The following GRIP1 variants were observed in gnomAD, a reference collection of about 807,000 sequenced individuals.
GRIP1 encodes the protein glutamate receptor-interacting protein 1.
Under a neutral mutation model 129.9 loss-of-function variants are expected in GRIP1, and 45 were observed. The observed-to-expected ratio is 0.35, with a 90% confidence interval of 0.27 to 0.44. The LOEUF (loss-of-function observed/expected upper bound fraction) is 0.44. Among genes scored for constraint, GRIP1 ranks in the 20% least tolerant of loss-of-function variants. The pLI is 1.00. For missense variants in GRIP1, 1,196 were observed against 1,396.8 expected, an observed-to-expected ratio of 0.86 and a Z score of 2.29; for synonymous variants, 530 against 520.8, an observed-to-expected ratio of 1.02 and a Z score of -0.24.
chr12:66,757,564 C>T (rs2037335245), intron 1 of GRIP1, among the ~76,000 whole-genome samples: 1 of 152,146 alleles, frequency 6.6e-6, no homozygotes, highest in Admixed American at 6.5e-5. Context: ...AGGAGTATTG[C>T]AGATACTTCC....
chr12:66,659,859 G>A (rs1326831899), intron 1 of GRIP1, among the ~76,000 whole-genome samples: 1 of 152,090 alleles, frequency 6.6e-6, no homozygotes, highest in East Asian at 1.9e-4. Flanking sequence ...AGAAAAAGGA[G>A]TTCTACCTTG....
chr12:66,828,234 T>C (rs2039452980), intron 1 of GRIP1, among the ~76,000 whole-genome samples: 2 of 152,334 alleles, frequency 1.3e-5, no homozygotes. Context: ...ATCATAACTA[T>C]AGATGATGCC....
intron 1 of GRIP1, among the ~76,000 whole-genome samples, chr12:66,918,165 G>A (rs946025748): frequency 6.6e-6 from 1 of 152,102 alleles, no homozygotes; most frequent in Non-Finnish European, 1.5e-5. Flanking sequence ...AAAAGCCTGA[G>A]ATCCAGGAGA....
intron 1 of GRIP1, among the ~76,000 whole-genome samples, chr12:66,756,349 T>C (rs1704614087): frequency 1.3e-5 from 2 of 152,212 alleles, no homozygotes; most frequent in South Asian, 2.1e-4. Flanking sequence ...ATATCCCCAA[T>C]GAAGCATTGG....
chr12:66,547,780 T>A (rs951051713), intron 2 of GRIP1, among the ~76,000 whole-genome samples: 1 of 152,144 alleles, frequency 6.6e-6, no homozygotes, highest in African/African-American at 2.4e-5. Flanking sequence ...AGGAGGGAAG[T>A]GGATGCAGGT....
intron 1 of GRIP1, among the ~76,000 whole-genome samples, chr12:67,050,745 G>A (rs1361772402): frequency 6.6e-6 from 1 of 152,096 alleles, no homozygotes; most frequent in Non-Finnish European, 1.5e-5. Flanking sequence ...AGATGCTCCA[G>A]TAGCAAAGGT....
At chr12:66,989,264 G>A (rs2042359140) in intron 1 of GRIP1, among the ~76,000 whole-genome samples, 1 of 152,196 alleles carries the variant, frequency 6.6e-6, no homozygotes, top group Non-Finnish European at 1.5e-5. Context: ...TAAAATCCAA[G>A]CTTATTCACT....
At chr12:66,531,320 C>CATATACAT (rs2061458327) in intron 4 of GRIP1, among the ~76,000 whole-genome samples, 1 of 64,314 alleles carries the variant, frequency 1.6e-5, no homozygotes, top group Non-Finnish European at 2.8e-5. Flanking sequence ...CACACACATA[C>CATATACAT]ATATACATAT....
chr12:66,700,264 C>A (rs2035304483), intron 1 of GRIP1, among the ~76,000 whole-genome samples: 1 of 152,020 alleles, frequency 6.6e-6, no homozygotes, highest in Admixed American at 6.6e-5. Flanking sequence ...TATGCTGGAG[C>A]AACAGGTGCT....
At chr12:67,002,248 T>C (rs768274691) in intron 1 of GRIP1, among the ~76,000 whole-genome samples, 11 of 152,202 alleles carry the variant, frequency 7.2e-5, no homozygotes, top group East Asian at 1.9e-4. Flanking sequence ...ACTCAAAACA[T>C]AGTGTTTGTG....
chr12:66,671,033 G>A (rs2136234168), intron 1 of GRIP1, among the ~76,000 whole-genome samples: 1 of 152,208 alleles, frequency 6.6e-6, no homozygotes, highest in Admixed American at 6.5e-5. Flanking sequence ...GTCACCTGGG[G>A]AATGTGTTAA....
chr12:66,557,431 AAG>A (rs1487943560), intron 2 of GRIP1, among the ~76,000 whole-genome samples: 2 of 152,178 alleles, frequency 1.3e-5, no homozygotes, highest in African/African-American at 4.8e-5. Flanking sequence ...AAAATCAACA[AAG>A]AAACAATGGA....
At chr12:66,626,409 A>AG (rs138473865) in intron 1 of GRIP1, among the ~76,000 whole-genome samples, 29,906 of 151,834 alleles carry the variant, frequency 0.2, 3,057 homozygotes, top group Non-Finnish European at 0.23. Context: ...TCAATTAAAA[A>AG]TCAATATATT....
At position 66,598,323 on chromosome 12, in the gene GRIP1, T is replaced by C. The variant is rs2064136055; in HGVS notation, c.56-1396A>G. Among the ~76,000 whole-genome samples, 5 of 152,188 alleles carry C rather than the reference T, an allele frequency of 3.3e-5. No individual in the cohort carries two copies. The South Asian group carries it at 1.0e-3, about 31-fold the overall frequency. ...AACACTGCTGTAAGTGGCAATTAACTTAAAAAATAGAAGTCACGCTGTTTC... is the reference window on the plus strand; with the variant it reads ...AACACTGCTGTAAGTGGCAATTAACCTAAAAAATAGAAGTCACGCTGTTTC... On this transcript the variant is annotated intron_variant, in intron 1 of 24. Transcript: ENST00000359742.
intron 1 of GRIP1, among the ~76,000 whole-genome samples, chr12:66,826,257 A>T (rs957291999): frequency 6.6e-6 from 1 of 151,480 alleles, no homozygotes; most frequent in Non-Finnish European, 1.5e-5. Context: ...AACAATGAGA[A>T]CACATGGACA....
Position 66,775,347 on chromosome 12 carries a change from A to G in GRIP1, c.-420+28706T>C, listed in dbSNP as rs528093307. ...ATCTCCATAATTTAAAATACACGTG[A>G]GAGGAGTCATCAGTTGGCATCTTTG... On this transcript the variant is annotated intron_variant, in intron 1 of 4. Coordinates refer to the GRIP1 transcript ENST00000538373. Among the ~76,000 whole-genome samples the G allele has an allele frequency of 7.2e-4, 109 of 152,340 alleles. 1 individual carries two copies. The highest frequency in any genetic ancestry group is 2.4e-3 in the African/African-American group (101 of 41,576).
chr12:66,778,429 T>C (rs1325135925), intron 1 of GRIP1, among the ~76,000 whole-genome samples: 2 of 152,170 alleles, frequency 1.3e-5, no homozygotes, highest in African/African-American at 4.8e-5. Flanking sequence ...TACAATATTA[T>C]AGTGGAAATT....
At chr12:66,952,036 T>C (rs575976303) in intron 1 of GRIP1, among the ~76,000 whole-genome samples, 25 of 152,016 alleles carry the variant, frequency 1.6e-4, no homozygotes, top group Non-Finnish European at 2.9e-4. Context: ...TGATGATAGA[T>C]TGAGGCATAA....
At chr12:67,015,058 TA>T in intron 1 of GRIP1, among the ~76,000 whole-genome samples, 2 of 152,232 alleles carry the variant, frequency 1.3e-5, no homozygotes, top group South Asian at 2.1e-4. Flanking sequence ...ACTACACAAC[TA>T]AAATAGCACT....
Sources: gnomAD v4.1 joint callset for allele counts (sites outside exome capture counted in the v4.1 genomes callset) on GRCh38, gnomAD v4.1.1 for gene constraint, MANE v1.5 for transcripts, NCBI Gene and HGNC (gene_info 2026-07-23, HGNC 2026-07-21) for gene names.